Variants in NBPF15 observed in about 807,000 individuals in gnomAD.
The protein encoded by NBPF15 is NBPF family member NBPF15.
Under a neutral mutation model 62.2 loss-of-function variants are expected in NBPF15, and 74 were observed. That is an observed-to-expected ratio of 1.19 (90% CI 0.99 to 1.44). NBPF15 has a LOEUF of 1.44. NBPF15 is among the 40% of genes most tolerant of loss of function. The probability of loss-of-function intolerance (pLI) is 0.00; values close to 1 mark genes in which losing one functional copy is unlikely to be tolerated. For missense variants in NBPF15, 790 were observed against 550.0 expected, an observed-to-expected ratio of 1.44 and a Z score of -4.36; for synonymous variants, 244 against 209.7, an observed-to-expected ratio of 1.16 and a Z score of -1.41.
Position 144,439,934 on chromosome 1 carries a change from A to G in NBPF15, c.70T>C (p.Leu24=). ...TTCTTCTCTGCCAACTGGGGGCGCA[A>G]TTTCTCATTGATTTCTAGAATGTTC... The part of the protein sequence containing the change: ...EMNILEINEK[L]RPQLAEKKQQ... The change falls in exon 8 of 22, where the codon TTG becomes CTG. Residue 24 remains leucine, a synonymous_variant. Transcript: ENST00000581897. The G allele has an allele frequency of 6.2e-7, 1 of 1,611,234 alleles. No individual in the cohort carries two copies. The highest frequency in any genetic ancestry group is 1.3e-5 in the African/African-American group (1 of 74,890).
chr1:144,434,785 C>A (rs587630587), intron 12 of NBPF15, among the ~76,000 whole-genome samples: 1 of 151,894 alleles, frequency 6.6e-6, no homozygotes, highest in Admixed American at 6.6e-5. Flanking sequence ...ACTCCATGGG[C>A]ATTGTTCAGG....
At chr1:144,436,771 T>C in intron 10 of NBPF15, 124 bp downstream of exon 10, 2 of 1,269,004 alleles carry the variant, frequency 1.6e-6, no homozygotes, top group South Asian at 2.5e-5. Flanking sequence ...CCTGGTCATG[T>C]CATGGCCACA....
intron 6 of NBPF15, among the ~76,000 whole-genome samples, chr1:144,442,297 T>C (rs1558611860): frequency 1.6e-5 from 2 of 128,878 alleles, no homozygotes; most frequent in African/African-American, 5.9e-5. Context: ...ATATTATATA[T>C]ATATATACAC....
rs1671042873 is a variant in NBPF15, at chr1:144,427,977, G to T, written c.1054C>A (p.Leu352Met). 2 of 769,960 alleles carry T rather than the reference G, an allele frequency of 2.6e-6. No homozygotes were observed. Among genetic ancestry groups the T allele is most frequent in the East Asian group, 4.9e-5 (2 of 40,926 alleles). 47.7% of individuals were successfully genotyped at this position (769,960 alleles called of 1,614,324 possible). Reference protein sequence around the residue: ...EATGPRLSRELLDEKEPEVLQ... With the variant: ...EATGPRLSREMLDEKEPEVLQ... ...ACTTCAGGCTCTTTCTCATCCAGCA[G>T]CTCCCTGCTGAGCCTGGAAAAGTGG... The change falls in exon 16 of 22, where the codon CTG becomes ATG. Residue 352 changes from leucine (L) to methionine (M), a missense_variant. Leu to Met is a conservative substitution (Grantham distance 15, BLOSUM62 2). Transcript: ENST00000581897.
intron 3 of NBPF15, among the ~76,000 whole-genome samples, chr1:144,458,576 C>T (rs1649940170): frequency 6.7e-6 from 1 of 149,862 alleles, no homozygotes; most frequent in Admixed American, 6.7e-5. Flanking sequence ...TGGGATCTCA[C>T]TATATTGCCC....
In NBPF15 at chr1:144,459,381, A is replaced by C. The variant is rs1469600911; in HGVS notation, c.-716T>G. ...TGGTGCTCACCTGTAGGTCCCAGCT[A>C]CTTGGGGGCTGAGGCAGGAGGATCA... On this transcript the variant is annotated 5_prime_UTR_variant, in exon 3 of 22. Coordinates refer to ENST00000581897, the MANE Select transcript of NBPF15 (RefSeq NM_001385408.1). 6.6e-6 allele frequency: 1 copy of C among 151,974 alleles called. No individual in the cohort carries two copies. Among genetic ancestry groups the C allele is most frequent in the Non-Finnish European group, 1.5e-5 (1 of 68,028 alleles). 9.4% of individuals were successfully genotyped at this position (151,974 alleles called of 1,614,324 possible).
chr1:144,447,702 A>C (rs1238911782), intron 6 of NBPF15, among the ~76,000 whole-genome samples: 1 of 152,080 alleles, frequency 6.6e-6, no homozygotes, highest in African/African-American at 2.4e-5. Flanking sequence ...ATATTCAGAA[A>C]AGAAAGCTCA....
intron 4 of NBPF15, among the ~76,000 whole-genome samples, 195 bp downstream of exon 4, chr1:144,456,342 G>A (rs1220542024): frequency 1.8e-4 from 27 of 152,088 alleles, no homozygotes; most frequent in African/African-American, 3.9e-4. Context: ...ACCTGACGAC[G>A]GCACTGCAGG....
Position 144,440,042 on chromosome 1 carries a change from G to C in NBPF15, c.-35-4C>G. 1.6e-5 allele frequency: 26 copies of C among 1,590,932 alleles called. No homozygotes were observed. Among genetic ancestry groups the C allele is most frequent in the Non-Finnish European group, 2.2e-5 (26 of 1,160,764 alleles). On this transcript the variant is annotated splice_region_variant and splice_polypyrimidine_tract_variant and intron_variant, in intron 7 of 21. Coordinates refer to ENST00000581897, the MANE Select transcript of NBPF15 (RefSeq NM_001385408.1). ...GCAGAAGAGGTGGAGTCAGGGACTG[G>C]GGAGAAGAAACCCAAACATATGATG...
chr1:144,423,110 T>C lies in NBPF15; in HGVS notation c.1916A>G (p.His639Arg). 6.2e-7 allele frequency: 1 copy of C among 1,611,648 alleles called. No individual in the cohort carries two copies. The highest frequency in any genetic ancestry group is 1.1e-5 in the South Asian group (1 of 90,976). Residue 639 changes from histidine to arginine, a missense_variant, in exon 22 of 22, where the codon CAT becomes CGT. Transcript: ENST00000581897. ...GTCCACGTAAAGGGCGAAGCTGATATGCTCTTCCTCAAATGAGTAAAACAC... is the reference window on the plus strand; with the variant it reads ...GTCCACGTAAAGGGCGAAGCTGATACGCTCTTCCTCAAATGAGTAAAACAC... ...RSVFYSFEEE[H>R]ISFALYVDNR...
intron 10 of NBPF15, among the ~76,000 whole-genome samples, chr1:144,436,230 GCAGA>G (rs1405461107): frequency 1.3e-5 from 2 of 152,112 alleles, no homozygotes; most frequent in Admixed American, 6.6e-5. Flanking sequence ...TCTCTTAGAA[GCAGA>G]CAAACTTGTC....
At chr1:144,425,435 A>G in intron 19 of NBPF15, 82 bp downstream of exon 19, 1 of 305,358 alleles carries the variant, frequency 3.3e-6, no homozygotes, top group Non-Finnish European at 5.9e-6. Context: ...TGTAATCGAT[A>G]ATGTCAGCCC....
At chr1:144,431,561 T>A (rs1466623154) in intron 13 of NBPF15, among the ~76,000 whole-genome samples, 1 of 148,832 alleles carries the variant, frequency 6.7e-6, no homozygotes, top group Non-Finnish European at 1.5e-5. Context: ...GTTACATATG[T>A]ATACATGTCC....
At chr1:144,431,132 C>A (rs1313444581) in intron 13 of NBPF15, among the ~76,000 whole-genome samples, 7 of 151,388 alleles carry the variant, frequency 4.6e-5, no homozygotes, top group African/African-American at 1.5e-4. Context: ...AGAATGGAAC[C>A]AAGCTGGGAA....
At position 144,442,099 on chromosome 1, in the gene NBPF15, C is replaced by A. The variant is rs587729653; in HGVS notation, c.-190-1804G>T. ...GGGTGCAGCAAACAAACATGGCACA[C>A]GTGTATATATATATATAATATATAT... is the stretch of plus-strand genomic sequence containing the variant. On this transcript the variant is annotated intron_variant, in intron 6 of 21. Transcript: ENST00000581897. Among the ~76,000 whole-genome samples, 33 of 108,504 alleles carry A rather than the reference C, an allele frequency of 3.0e-4. 1 individual carries two copies. In the South Asian group the frequency reaches 9.0e-3, roughly 29 times the overall value. 71.2% of individuals were successfully genotyped at this position (108,504 alleles called of 152,430 possible).
In NBPF15 at chr1:144,423,889, C is replaced by A. The variant is rs1201452625; in HGVS notation, c.1750G>T (p.Asp584Tyr). 3 of 781,506 alleles carry A rather than the reference C, an allele frequency of 3.8e-6. No individual in the cohort carries two copies. The highest frequency in any genetic ancestry group is 6.9e-6 in the Non-Finnish European group (3 of 432,952). The allele number at this position is 781,506 out of a possible 1,614,324, so 48.4% of individuals were successfully genotyped here. The change falls in exon 21 of 22, where the codon GAC becomes TAC. Residue 584 changes from aspartate to tyrosine, a missense_variant. By Grantham distance (160) the Asp-to-Tyr change is radical (BLOSUM62 -3). Transcript: ENST00000581897. ...AGTTACCTGGGGCATGGTGGGTTGTCATCTTCCCCTTCTTTTCTTCCCCTT... is the reference window on the plus strand; with the variant it reads ...AGTTACCTGGGGCATGGTGGGTTGTAATCTTCCCCTTCTTTTCTTCCCCTT... ...RRRGRKEGED[D>Y]NPPCPRLYGV...
chr1:144,447,962 G>A (rs1380672971), intron 6 of NBPF15, among the ~76,000 whole-genome samples: 2 of 152,018 alleles, frequency 1.3e-5, no homozygotes, highest in Non-Finnish European at 2.9e-5. Flanking sequence ...CCAGAGTCAG[G>A]GGCAGCATCA....
At chr1:144,447,846 C>A in intron 6 of NBPF15, among the ~76,000 whole-genome samples, 1 of 152,044 alleles carries the variant, frequency 6.6e-6, no homozygotes, top group Non-Finnish European at 1.5e-5. Flanking sequence ...GGGGCTGGTA[C>A]AGCCTCGCTC....
At chr1:144,426,540 G>C (rs1669782687) in intron 17 of NBPF15, 90 bp from the exon 18 acceptor site, 4 of 751,466 alleles carry the variant, frequency 5.3e-6, no homozygotes, top group Non-Finnish European at 9.9e-6. Context: ...ATAAGGAACT[G>C]TTTAAAAAGA....
Sources: allele counts gnomAD v4.1 joint callset (sites outside exome capture counted in the v4.1 genomes callset), GRCh38; gene constraint gnomAD v4.1.1; transcripts MANE v1.5; gene names NCBI Gene and HGNC (gene_info 2026-07-23, HGNC 2026-07-21).